Variants in CACNA2D3 observed in about 807,000 individuals in gnomAD.
CACNA2D3 encodes the protein voltage-dependent calcium channel subunit alpha-2/delta-3.
Under a neutral mutation model 160.6 loss-of-function variants are expected in CACNA2D3, and 60 were observed. The observed-to-expected ratio is 0.37, with a 90% CI of 0.30 to 0.46. CACNA2D3 has a LOEUF of 0.46. CACNA2D3 is among the 20% of genes least tolerant of loss of function. The pLI is 1.00. For synonymous variants in CACNA2D3, 558 were observed against 492.9 expected, an observed-to-expected ratio of 1.13 and a Z score of -1.75; for missense variants, 1,205 against 1,365.0, an observed-to-expected ratio of 0.88 and a Z score of 1.85.
At chr3:54,535,060 C>T (rs950957002) in intron 5 of CACNA2D3, among the ~76,000 whole-genome samples, 3 of 152,176 alleles carry the variant, frequency 2.0e-5, no homozygotes, top group African/African-American at 7.2e-5. Context: ...TTCATCATTC[C>T]AGTAGAATGC....
Position 54,531,362 on chromosome 3 carries a change from G to A in CACNA2D3, c.544+27708G>A, listed in dbSNP as rs187705047. On this transcript the variant is annotated intron_variant, in intron 5 of 37. Transcript: ENST00000474759. The stretch of plus-strand genomic sequence containing the variant: ...GAGGAAGTTGATAGGGAAGTATGAC[G>A]GAAGGATATTCATAGTTCCCTTTAA... 2.1e-3 allele frequency among the ~76,000 whole-genome samples: 327 copies of A among 152,336 alleles called. 2 individuals carry two copies. The highest frequency in any genetic ancestry group is 2.7e-3 in the Non-Finnish European group (183 of 68,036).
At chr3:54,733,466 G>C (rs1041892715) in intron 11 of CACNA2D3, among the ~76,000 whole-genome samples, 2 of 152,174 alleles carry the variant, frequency 1.3e-5, no homozygotes, top group Non-Finnish European at 2.9e-5. Flanking sequence ...AGGGGCCCTA[G>C]GATTTTAATA....
intron 14 of CACNA2D3, among the ~76,000 whole-genome samples, chr3:54,831,162 C>G (rs1703869341): frequency 6.6e-6 from 1 of 152,176 alleles, no homozygotes. Flanking sequence ...TGTATCTGAG[C>G]TGAGTCCACC....
intron 2 of CACNA2D3, among the ~76,000 whole-genome samples, chr3:54,222,197 G>A (rs1346299892): frequency 6.6e-6 from 1 of 152,206 alleles, no homozygotes; most frequent in Middle Eastern, 3.2e-3. Flanking sequence ...CAAGTTTCAA[G>A]ATCTGCAGTA....
intron 3 of CACNA2D3, among the ~76,000 whole-genome samples, chr3:54,375,313 C>T (rs530782369): frequency 6.6e-6 from 1 of 152,296 alleles, no homozygotes; most frequent in South Asian, 2.1e-4. Flanking sequence ...CTTATATTCC[C>T]AGATGAACAC....
chr3:54,925,025 A>G, intron 27 of CACNA2D3: 1 of 1,614,198 alleles, frequency 6.2e-7, no homozygotes, highest in Non-Finnish European at 8.5e-7. Context: ...ATGCAAAAGC[A>G]GGAAGATGGT....
At chr3:54,204,796 G>GAAAAAAAAAAAAA in intron 2 of CACNA2D3, among the ~76,000 whole-genome samples, 1 of 74,056 alleles carries the variant, frequency 1.4e-5, no homozygotes, top group African/African-American at 4.0e-5. Flanking sequence ...ATGCTGTCTT[G>GAAAAAAAAAAAAA]AAAAAAAAAA....
chr3:54,400,550 A>G (rs909827491), intron 4 of CACNA2D3, among the ~76,000 whole-genome samples: 3 of 152,252 alleles, frequency 2.0e-5, no homozygotes, highest in Non-Finnish European at 1.5e-5. Context: ...CCTTGTCACC[A>G]AGGACCCTGA....
intron 29 of CACNA2D3, among the ~76,000 whole-genome samples, chr3:54,976,755 A>G (rs910093821): frequency 6.6e-6 from 1 of 152,156 alleles, no homozygotes; most frequent in Non-Finnish European, 1.5e-5. Context: ...TTCTGAGTTA[A>G]AGCAGTGTTT....
chr3:54,361,364 G>T (rs1218832380), intron 3 of CACNA2D3, among the ~76,000 whole-genome samples: 1 of 152,114 alleles, frequency 6.6e-6, no homozygotes, highest in Non-Finnish European at 1.5e-5. Context: ...TTGCCAGCAT[G>T]ATCTGTCTGG....
At chr3:54,784,693 C>T (rs1050262727) in intron 13 of CACNA2D3, among the ~76,000 whole-genome samples, 2 of 151,820 alleles carry the variant, frequency 1.3e-5, no homozygotes, top group Admixed American at 6.6e-5. Context: ...AGAAATGTTC[C>T]GTAGAAGAAG....
chr3:54,590,744 GCCT>G (rs1342494693), intron 9 of CACNA2D3, among the ~76,000 whole-genome samples: 2 of 151,936 alleles, frequency 1.3e-5, no homozygotes, highest in Non-Finnish European at 2.9e-5. Context: ...ACCATGCTTG[GCCT>G]CTTTATTATT....
intron 11 of CACNA2D3, among the ~76,000 whole-genome samples, chr3:54,736,083 G>GTATATATATACATACATA (rs1265902604): frequency 2.9e-5 from 1 of 34,238 alleles, no homozygotes; most frequent in Non-Finnish European, 5.4e-5. Flanking sequence ...ACATATATAT[G>GTATATATATACATACATA]TATGTGTATA....
At chr3:55,068,889 T>C (rs1704731649) in intron 35 of CACNA2D3, among the ~76,000 whole-genome samples, 1 of 152,192 alleles carries the variant, frequency 6.6e-6, no homozygotes, top group African/African-American at 2.4e-5. Context: ...TACAGAGAAA[T>C]AGGGTGTAAA....
intron 16 of CACNA2D3, among the ~76,000 whole-genome samples, chr3:54,842,657 G>A (rs956885017): frequency 7.6e-5 from 11 of 145,520 alleles, no homozygotes; most frequent in Non-Finnish European, 1.5e-4. Context: ...CTGGAGTACC[G>A]TGGCACGATC....
At chr3:54,388,685 T>TCACATGATTGCTC (rs11267122) in intron 4 of CACNA2D3, among the ~76,000 whole-genome samples, 34,014 of 152,074 alleles carry the variant, frequency 0.22, 3,878 homozygotes, top group Admixed American at 0.29. Flanking sequence ...TACTCAGTTC[T>TCACATGATTGCTC]CACAAAGATC....
intron 3 of CACNA2D3, among the ~76,000 whole-genome samples, chr3:54,369,664 C>T (rs963405698): frequency 2.6e-5 from 4 of 152,174 alleles, no homozygotes; most frequent in African/African-American, 7.2e-5. Context: ...AAGGGCGTGT[C>T]GGCCTTTCCC....
At position 54,871,043 on chromosome 3, in the gene CACNA2D3, T is replaced by TACAC. The variant is rs58370850; in HGVS notation, c.1627-449_1627-446dup. 2.5e-3 allele frequency among the ~76,000 whole-genome samples: 356 copies of TACAC among 143,024 alleles called. 1 individual carries two copies. The highest frequency in any genetic ancestry group is 5.2e-3 in the African/African-American group (196 of 37,804). 93.8% of individuals were successfully genotyped at this position (143,024 alleles called of 152,430 possible). A position where few individuals can be genotyped will look rare whatever the true frequency, so the allele number is the denominator to read the frequency against. On this transcript the variant is annotated intron_variant, in intron 17 of 37. Transcript: ENST00000474759. ...GGACTGAGTTTTAGCAGCTTTGGGA[T>TACAC]ACACACACACACACACACACACACA...
intron 5 of CACNA2D3, among the ~76,000 whole-genome samples, chr3:54,515,895 C>T (rs1701542846): frequency 6.6e-6 from 1 of 152,224 alleles, no homozygotes; most frequent in Non-Finnish European, 1.5e-5. Context: ...TGTTCTCTCA[C>T]TGACAGAGAA....
Sources: allele counts gnomAD v4.1 joint callset (sites outside exome capture counted in the v4.1 genomes callset), GRCh38; gene constraint gnomAD v4.1.1; transcripts MANE v1.5; gene names NCBI Gene and HGNC (gene_info 2026-07-23, HGNC 2026-07-21).